The following CCDC82 variants were observed in gnomAD, a reference collection of about 807,000 sequenced individuals.
CCDC82 encodes coiled-coil domain-containing protein 82.
Under a neutral mutation model 60.6 loss-of-function variants are expected in CCDC82, and 47 were observed. That is an observed-to-expected ratio of 0.77 (90% CI 0.61 to 0.99). CCDC82 has a LOEUF of 0.99. Among genes scored for constraint, CCDC82 ranks in the 50% least tolerant of loss-of-function variants. CCDC82 has a pLI of 0.00. For missense variants in CCDC82, 588 were observed against 633.0 expected, an observed-to-expected ratio of 0.93 and a Z score of 0.76; for synonymous variants, 212 against 207.4, an observed-to-expected ratio of 1.02 and a Z score of -0.19.
intron 7 of CCDC82, among the ~76,000 whole-genome samples, chr11:96,369,852 G>C (rs1018619141): frequency 2.6e-5 from 4 of 152,100 alleles, no homozygotes; most frequent in Admixed American, 2.6e-4. Flanking sequence ...AACAAAACGA[G>C]GTATGCTTAT....
chr11:96,355,516 A>G (rs1406788872), intron 9 of CCDC82: 1 of 152,322 alleles, frequency 6.6e-6, no homozygotes, highest in Non-Finnish European at 1.5e-5. Context: ...TCAAAACCCT[A>G]ATTATTATTA....
In CCDC82 at chr11:96,353,300, C is replaced by T. The variant is rs914453392; in HGVS notation, c.*346G>A. On this transcript the variant is annotated 3_prime_UTR_variant, in exon 10 of 10. Transcript: ENST00000646818. ...GGAATTCCGTAAAAATACATGTAGA[C>T]GTTAGTCTAAATACATTTTTAAGAT... 7 of 182,730 alleles carry T rather than the reference C, an allele frequency of 3.8e-5. No homozygotes were observed. The highest frequency in any genetic ancestry group is 5.6e-5 in the Non-Finnish European group (5 of 88,512). 11.3% of individuals were successfully genotyped at this position (182,730 alleles called of 1,614,324 possible).
intron 5 of CCDC82, chr11:96,381,608 C>G (rs936910522): frequency 2.6e-5 from 4 of 151,568 alleles, no homozygotes; most frequent in Admixed American, 2.6e-4. Context: ...TTATAGGAAT[C>G]ATAATAATAA....
In CCDC82 at chr11:96,359,042, G is replaced by C. The variant is rs754865472; in HGVS notation, c.1517C>G (p.Thr506Arg). The change falls in exon 9 of 10, where the codon ACA (threonine) becomes AGA (arginine). Residue 506 changes from threonine to arginine, a missense_variant. Transcript: ENST00000646818. ...TGACCGCCTGAAAATTCTTTCCACT[G>C]TTTCTTTAACTTGTTCATCTTCAAC... ...EEVEDEQVKETVERIFRRSKE... is the reference protein window; with the variant it reads ...EEVEDEQVKERVERIFRRSKE... 4 of 1,609,602 alleles carry C rather than the reference G, an allele frequency of 2.5e-6. No homozygotes were observed. The African/African-American group carries it at 5.4e-5, about 22-fold the overall frequency.
At chr11:96,365,206 A>G in intron 7 of CCDC82, 56 bp from the exon 8 acceptor site, 1 of 1,191,176 alleles carries the variant, frequency 8.4e-7, no homozygotes, top group Non-Finnish European at 1.2e-6. Context: ...AAATAAAAGT[A>G]AGAATCTAAC....
intron 5 of CCDC82, among the ~76,000 whole-genome samples, chr11:96,380,290 A>C (rs1645698000): frequency 6.6e-6 from 1 of 151,764 alleles, no homozygotes; most frequent in South Asian, 2.1e-4. Flanking sequence ...ACTTGGTTAC[A>C]AGTTGAGGAA....
intron 7 of CCDC82, among the ~76,000 whole-genome samples, chr11:96,369,014 A>G (rs1423412902): frequency 6.6e-6 from 1 of 152,164 alleles, no homozygotes; most frequent in Non-Finnish European, 1.5e-5. Flanking sequence ...TCACCTTTGC[A>G]CTTTTACGTT....
chr11:96,353,571 A>T lies in CCDC82; in HGVS notation c.*75T>A. 9.1e-7 allele frequency: 1 copy of T among 1,101,942 alleles called. No homozygotes were observed. The highest frequency in any genetic ancestry group is 1.4e-6 in the Non-Finnish European group (1 of 725,202). The allele number at this position is 1,101,942 out of a possible 1,614,324, so 68.3% of individuals were successfully genotyped here. A position where few individuals can be genotyped will look rare whatever the true frequency, so the allele number is the denominator to read the frequency against. On this transcript the variant is annotated 3_prime_UTR_variant, in exon 10 of 10. Coordinates refer to ENST00000646818, the MANE Select transcript of CCDC82 (RefSeq NM_024725.4). ...TATAGATAAAATGTACAAACATGTC[A>T]CATGATACAGAAAAACAAGAATCAT...
At chr11:96,378,398 A>C (rs1431840495) in intron 5 of CCDC82, among the ~76,000 whole-genome samples, 1 of 151,960 alleles carries the variant, frequency 6.6e-6, no homozygotes, top group Non-Finnish European at 1.5e-5. Flanking sequence ...CCTTTACCTT[A>C]TACTGCAATA....
chr11:96,385,766 C>G (rs986102241), intron 3 of CCDC82: 2 of 152,016 alleles, frequency 1.3e-5, no homozygotes, highest in Non-Finnish European at 2.9e-5. Context: ...AAAATTATCA[C>G]AAGTATATAT....
chr11:96,355,861 C>CT (rs1864320300), intron 9 of CCDC82: 1 of 152,132 alleles, frequency 6.6e-6, no homozygotes, highest in African/African-American at 2.4e-5. Flanking sequence ...AGACTACTCT[C>CT]TTACAACACC....
At chr11:96,360,128 TAA>T (rs1565301157) in intron 8 of CCDC82, among the ~76,000 whole-genome samples, 1 of 147,226 alleles carries the variant, frequency 6.8e-6, no homozygotes, top group East Asian at 1.9e-4. Context: ...TAATATATAT[TAA>T]TATATATTAA....
chr11:96,381,684 C>G (rs1865884752), intron 5 of CCDC82: 1 of 151,624 alleles, frequency 6.6e-6, no homozygotes, highest in Non-Finnish European at 1.5e-5. Context: ...AACGTCCTAT[C>G]TCTGATAGGT....
chr11:96,377,130 G>C (rs1303157167), intron 5 of CCDC82, among the ~76,000 whole-genome samples: 1 of 152,178 alleles, frequency 6.6e-6, no homozygotes, highest in East Asian at 1.9e-4. Context: ...TTCTGGAATG[G>C]AGATATCAGC....
At chr11:96,362,527 T>G (rs760002187) in intron 8 of CCDC82, among the ~76,000 whole-genome samples, 1 of 152,214 alleles carries the variant, frequency 6.6e-6, no homozygotes, top group Non-Finnish European at 1.5e-5. Context: ...GGAGTCTGGA[T>G]AGACTCTGGG....
rs143102292 is a variant in CCDC82, at chr11:96,383,324, T to C, written c.936A>G (p.Gln312=). The stretch of plus-strand genomic sequence containing the variant: ...GTGATGTAGTCAATTTTTCTCCTTG[T>C]TGGTTTTTATTCTCTTCATCACCCT... ...DEEGDEENKN[Q]QGEKLTTSQL... is the part of the protein sequence containing the mutation. Residue 312 remains glutamine (Q), a synonymous_variant, in exon 5 of 10, where the codon CAA becomes CAG. Transcript: ENST00000646818. 3.1e-6 allele frequency: 5 copies of C among 1,608,338 alleles called. No individual in the cohort carries two copies. Among genetic ancestry groups the C allele is most frequent in the Middle Eastern group, 1.7e-4 (1 of 6,052 alleles).
chr11:96,359,335 T>G, intron 8 of CCDC82, 157 bp from the exon 9 acceptor site: 1 of 578,498 alleles, frequency 1.7e-6, no homozygotes, highest in Non-Finnish European at 2.9e-6. Context: ...AGTCAAACAC[T>G]GAGCACCTGT....
intron 5 of CCDC82, 74 bp downstream of exon 5, chr11:96,383,195 T>G (rs975749982): frequency 1.1e-6 from 1 of 887,604 alleles, no homozygotes; most frequent in Non-Finnish European, 1.9e-6. Flanking sequence ...AACATGATAT[T>G]AAAAGGCTAA....
At chr11:96,358,418 T>G (rs745669167) in intron 9 of CCDC82, 1 of 1,227,852 alleles carries the variant, frequency 8.1e-7, no homozygotes. Context: ...TTATCAAATT[T>G]AGTGATCAAT....
Sources: allele counts gnomAD v4.1 joint callset (sites outside exome capture counted in the v4.1 genomes callset), GRCh38; gene constraint gnomAD v4.1.1; transcripts MANE v1.5; gene names NCBI Gene and HGNC (gene_info 2026-07-23, HGNC 2026-07-21).